The following DEUP1 variants were observed in gnomAD, a reference collection of about 807,000 sequenced individuals.
DEUP1 encodes coiled-coil domain containing 67.
Under a neutral mutation model 87.4 loss-of-function variants are expected in DEUP1, and 82 were observed. That is an observed-to-expected ratio of 0.94 (90% CI 0.78 to 1.13). The LOEUF is 1.13. Ranked by LOEUF, DEUP1 falls within the 50% of genes most tolerant of loss-of-function variation. DEUP1 has a pLI of 0.00. For synonymous variants in DEUP1, 214 were observed against 222.7 expected (o/e 0.96, Z 0.35); for missense variants, 663 against 681.5 (o/e 0.97, Z 0.30).
At chr11:93,350,753 C>T (rs564055473) in intron 2 of DEUP1, among the ~76,000 whole-genome samples, 1 of 151,418 alleles carries the variant, frequency 6.6e-6, no homozygotes, top group Non-Finnish European at 1.5e-5. Flanking sequence ...AGTTTGAGAC[C>T]AGCCTGGCCA....
intron 11 of DEUP1, among the ~76,000 whole-genome samples, chr11:93,401,522 GTATAC>G (rs1947119176): frequency 6.6e-6 from 1 of 151,866 alleles, no homozygotes; most frequent in African/African-American, 2.4e-5. Flanking sequence ...GATGGAGACA[GTATAC>G]TACCTGACTT....
At chr11:93,420,198 T>A (rs1246262312) in intron 13 of DEUP1, among the ~76,000 whole-genome samples, 1 of 152,038 alleles carries the variant, frequency 6.6e-6, no homozygotes, top group Non-Finnish European at 1.5e-5. Context: ...CAGCAGCACA[T>A]CAAAAAGCTT....
At chr11:93,374,793 T>A (rs1218636447) in intron 7 of DEUP1, among the ~76,000 whole-genome samples, 1 of 152,012 alleles carries the variant, frequency 6.6e-6, no homozygotes, top group Non-Finnish European at 1.5e-5. Context: ...ATTCTAAGAA[T>A]TTTTTTCTAA....
intron 12 of DEUP1, among the ~76,000 whole-genome samples, chr11:93,414,609 T>C (rs1231847339): frequency 6.6e-6 from 1 of 152,102 alleles, no homozygotes; most frequent in South Asian, 2.1e-4. Flanking sequence ...TAAAAGAGAA[T>C]AGAAAAAGAG....
chr11:93,419,045 G>A (rs1223741439), intron 13 of DEUP1, among the ~76,000 whole-genome samples: 1 of 150,654 alleles, frequency 6.6e-6, no homozygotes, highest in Non-Finnish European at 1.5e-5. Context: ...GGTGGCGGGA[G>A]GGGGGAGGGA....
intron 13 of DEUP1, among the ~76,000 whole-genome samples, chr11:93,437,228 G>A (rs1363374664): frequency 6.6e-6 from 1 of 152,084 alleles, no homozygotes; most frequent in Admixed American, 6.6e-5. Flanking sequence ...AAAATCATTG[G>A]CTTTGCAAAT....
intron 13 of DEUP1, among the ~76,000 whole-genome samples, chr11:93,432,512 A>G (rs1160866016): frequency 6.6e-6 from 1 of 152,228 alleles, no homozygotes; most frequent in South Asian, 2.1e-4. Flanking sequence ...TAGTCCATGC[A>G]GTAATTTACC....
At chr11:93,416,301 A>C (rs933084825) in intron 13 of DEUP1, among the ~76,000 whole-genome samples, 46 of 152,138 alleles carry the variant, frequency 3.0e-4, no homozygotes, top group Non-Finnish European at 4.7e-4. Context: ...TAATAAAGAA[A>C]AAAAGAGAGA....
At position 93,355,462 on chromosome 11, in the gene DEUP1, C is replaced by G. The variant is rs200488619; in HGVS notation, c.121C>G (p.Arg41Gly). 1.2e-4 allele frequency: 199 copies of G among 1,613,614 alleles called. No individual in the cohort carries two copies. The African/African-American group carries it at 2.4e-3, about 20-fold the overall frequency. Residue 41 changes from arginine (R) to glycine (G), a missense_variant, in exon 3 of 14, where the codon CGG becomes GGG. Transcript: ENST00000298050. The part of the protein sequence containing the change: ...NKKMDWERKM[R>G]ALETRLDLRD... ...GAAAATGGATTGGGAAAGAAAGATG[C>G]GGGCTTTGGAGACACGATTAGATCT...
chr11:93,435,715 C>T (rs535805331), intron 13 of DEUP1, among the ~76,000 whole-genome samples: 1 of 152,092 alleles, frequency 6.6e-6, no homozygotes, highest in Non-Finnish European at 1.5e-5. Context: ...ATAATTTTTT[C>T]ACCAGGCATG....
intron 3 of DEUP1, among the ~76,000 whole-genome samples, chr11:93,356,429 A>G (rs1486475707): frequency 1.3e-5 from 2 of 152,226 alleles, no homozygotes; most frequent in African/African-American, 2.4e-5. Flanking sequence ...TGACACAGAT[A>G]TGTAAACAAG....
intron 2 of DEUP1, among the ~76,000 whole-genome samples, chr11:93,342,305 T>A (rs1271698209): frequency 6.6e-6 from 1 of 152,118 alleles, no homozygotes; most frequent in Admixed American, 6.5e-5. Context: ...CCACAAGAGT[T>A]CTCCCAGCCA....
At chr11:93,392,128 T>C (rs919840953) in intron 9 of DEUP1, among the ~76,000 whole-genome samples, 2 of 152,224 alleles carry the variant, frequency 1.3e-5, no homozygotes, top group Non-Finnish European at 2.9e-5. Context: ...CTTTCCATGT[T>C]AGGTCACCCC....
chr11:93,382,037 T>TA (rs1474480857), intron 7 of DEUP1, among the ~76,000 whole-genome samples: 2 of 152,184 alleles, frequency 1.3e-5, no homozygotes, highest in African/African-American at 2.4e-5. Flanking sequence ...ATTTTACAGT[T>TA]AAAAAAGTTG....
chr11:93,408,322 A>G lies in DEUP1; in HGVS notation c.1418A>G (p.Lys473Arg), dbSNP rs755048595. The stretch of plus-strand genomic sequence containing the variant: ...GAAAGGCTCCGAAATGATCTTGCAA[A>G]ACTTCATGTCAATGGAAAATCAACC... ...ENERLRNDLA[K>R]LHVNGKSTWT... Residue 473 changes from lysine (K) to arginine (R), a missense_variant, in exon 12 of 14, where the codon AAA becomes AGA. Transcript: ENST00000298050. 2.7e-5 allele frequency: 43 copies of G among 1,579,000 alleles called. No homozygotes were observed. Among genetic ancestry groups the G allele is most frequent in the Non-Finnish European group, 3.5e-5 (41 of 1,161,200 alleles).
At chr11:93,427,914 C>G (rs1256554372) in intron 13 of DEUP1, among the ~76,000 whole-genome samples, 5 of 146,660 alleles carry the variant, frequency 3.4e-5, no homozygotes, top group African/African-American at 1.0e-4. Context: ...CAAATCAAAA[C>G]CACAATGAGA....
At chr11:93,427,824 C>T (rs1394670823) in intron 13 of DEUP1, among the ~76,000 whole-genome samples, 2 of 137,946 alleles carry the variant, frequency 1.4e-5, no homozygotes, top group African/African-American at 5.4e-5. Context: ...AGGTCATGAA[C>T]AGACACTTCT....
chr11:93,370,742 T>G (rs1485535874), intron 6 of DEUP1, among the ~76,000 whole-genome samples: 1 of 152,232 alleles, frequency 6.6e-6, no homozygotes, highest in Non-Finnish European at 1.5e-5. Flanking sequence ...CATTGTATAA[T>G]TGAATTTTTT....
intron 2 of DEUP1, among the ~76,000 whole-genome samples, chr11:93,340,565 C>T (rs149798977): frequency 2.0e-5 from 3 of 152,224 alleles, no homozygotes; most frequent in East Asian, 3.9e-4. Context: ...TTAAAAGGCT[C>T]GCTCTAGTTG....
Sources: gnomAD v4.1 joint callset for allele counts (sites outside exome capture counted in the v4.1 genomes callset) on GRCh38, gnomAD v4.1.1 for gene constraint, MANE v1.5 for transcripts, NCBI Gene and HGNC (gene_info 2026-07-23, HGNC 2026-07-21) for gene names.